Variants in CBLN2 observed in about 807,000 individuals in gnomAD.
The protein encoded by CBLN2 is cerebellin-2.
Under a neutral mutation model 15.0 loss-of-function variants are expected in CBLN2, and 7 were observed. The ratio of observed to expected loss-of-function variants is 0.47; its 90% confidence interval spans 0.27 to 0.88. The LOEUF is 0.88. Ranked by LOEUF, CBLN2 falls within the 40% of genes least tolerant of loss-of-function variation. CBLN2 has a pLI of 0.14. For missense variants in CBLN2, 242 were observed against 304.5 expected (o/e 0.79, Z 1.53); for synonymous variants, 149 against 135.2 (o/e 1.10, Z -0.71).
chr18:72,578,137 G>A (rs139819243), intron 1 of CBLN2, among the ~76,000 whole-genome samples: 1 of 152,206 alleles, frequency 6.6e-6, no homozygotes, highest in East Asian at 1.9e-4. Context: ...TATTGTTATA[G>A]GGACAAGCAC....
intron 1 of CBLN2, among the ~76,000 whole-genome samples, chr18:72,588,589 G>C (rs2069458186): frequency 6.6e-6 from 1 of 152,186 alleles, no homozygotes; most frequent in African/African-American, 2.4e-5. Flanking sequence ...AGACTAGCGG[G>C]GAAGACACAC....
intron 1 of CBLN2, chr18:72,618,820 A>G: frequency 1.4e-6 from 1 of 738,040 alleles, no homozygotes; most frequent in Non-Finnish European, 2.5e-6. Flanking sequence ...AAAGCAAGAG[A>G]TGGCGAGTGC....
chr18:72,561,747 A>G (rs1045357854), intron 1 of CBLN2, among the ~76,000 whole-genome samples: 2 of 152,202 alleles, frequency 1.3e-5, no homozygotes, highest in African/African-American at 4.8e-5. Flanking sequence ...TATGGAAACT[A>G]TAACGTATTG....
At chr18:72,551,848 C>G (rs608970) in intron 1 of CBLN2, among the ~76,000 whole-genome samples, 23,856 of 152,076 alleles carry the variant, frequency 0.16, 2,157 homozygotes, top group Admixed American at 0.29. Flanking sequence ...CTTGACTCAC[C>G]TTAGGGAATG....
At chr18:72,538,819 G>A (rs754305298) in intron 3 of CBLN2, 47 bp from the exon 4 acceptor site, 2 of 1,598,662 alleles carry the variant, frequency 1.3e-6, no homozygotes, top group Non-Finnish European at 1.7e-6. Flanking sequence ...GCCCCTCCTC[G>A]GTGTATGTTT....
At chr18:72,619,123 C>A in intron 1 of CBLN2, 3 of 743,250 alleles carry the variant, frequency 4.0e-6, no homozygotes, top group South Asian at 2.7e-5. Context: ...AGCTCTGGCC[C>A]CTATGGTGGT....
chr18:72,552,755 A>G (rs1055964686), intron 1 of CBLN2: 1 of 152,214 alleles, frequency 6.6e-6, no homozygotes, highest in African/African-American at 2.4e-5. Context: ...AAGGCTAGCG[A>G]TAGTGAGCTA....
intron 1 of CBLN2, among the ~76,000 whole-genome samples, chr18:72,567,485 C>G (rs1029378011): frequency 6.6e-6 from 1 of 152,136 alleles, no homozygotes. Context: ...TGAGTTTTCT[C>G]TCTCAGGCAT....
At chr18:72,591,356 A>T (rs1457528954) in intron 1 of CBLN2, among the ~76,000 whole-genome samples, 7 of 152,180 alleles carry the variant, frequency 4.6e-5, no homozygotes, top group African/African-American at 4.8e-5. Flanking sequence ...ATAACTTTTT[A>T]AAAAATTTAT....
intron 1 of CBLN2, among the ~76,000 whole-genome samples, chr18:72,594,923 T>G (rs781027041): frequency 2.0e-5 from 3 of 152,066 alleles, no homozygotes; most frequent in Non-Finnish European, 4.4e-5. Context: ...TTTCTTCACT[T>G]CTTAGTCTTG....
chr18:72,558,278 C>T (rs1057215563), intron 1 of CBLN2, among the ~76,000 whole-genome samples: 1 of 152,160 alleles, frequency 6.6e-6, no homozygotes, highest in Admixed American at 6.5e-5. Context: ...TCTCTGGACA[C>T]TCTGGGTTTG....
chr18:72,587,423 T>G (rs2069451098), intron 1 of CBLN2, among the ~76,000 whole-genome samples: 1 of 152,164 alleles, frequency 6.6e-6, no homozygotes, highest in Non-Finnish European at 1.5e-5. Context: ...GGACTGTTTA[T>G]TCTTTTTATG....
intron 1 of CBLN2, among the ~76,000 whole-genome samples, chr18:72,566,595 T>C (rs947162642): frequency 3.9e-5 from 6 of 152,086 alleles, no homozygotes; most frequent in African/African-American, 1.4e-4. Context: ...GTATGGAATC[T>C]AAAAAGGTCG....
At chr18:72,592,360 C>A (rs1021158519) in intron 1 of CBLN2, among the ~76,000 whole-genome samples, 6 of 151,672 alleles carry the variant, frequency 4.0e-5, no homozygotes, top group Non-Finnish European at 8.8e-5. Context: ...TGCATTTCTC[C>A]CTATTGAGTT....
At chr18:72,624,895 A>C (rs2069724617) in intron 1 of CBLN2, among the ~76,000 whole-genome samples, 1 of 152,180 alleles carries the variant, frequency 6.6e-6, no homozygotes, top group South Asian at 2.1e-4. Flanking sequence ...CAAATACTAA[A>C]AGAGGCTGGT....
chr18:72,596,038 T>TTGA (rs2069511542), intron 1 of CBLN2, among the ~76,000 whole-genome samples: 1 of 152,164 alleles, frequency 6.6e-6, no homozygotes, highest in South Asian at 2.1e-4. Flanking sequence ...AATGTGATTG[T>TTGA]TGATAAGTAA....
At chr18:72,606,061 G>C (rs1381425446) in intron 1 of CBLN2, among the ~76,000 whole-genome samples, 3 of 152,230 alleles carry the variant, frequency 2.0e-5, no homozygotes, top group South Asian at 4.1e-4. Flanking sequence ...GAGCGAGGCT[G>C]ACTGCTGCAT....
chr18:72,560,413 C>T (rs1437242557), intron 1 of CBLN2, among the ~76,000 whole-genome samples: 1 of 152,178 alleles, frequency 6.6e-6, no homozygotes, highest in African/African-American at 2.4e-5. Flanking sequence ...ATTTCCAAAG[C>T]CTTCAAAGCA....
intron 1 of CBLN2, among the ~76,000 whole-genome samples, chr18:72,632,243 T>G (rs2069782127): frequency 6.6e-6 from 1 of 152,104 alleles, no homozygotes; most frequent in African/African-American, 2.4e-5. Context: ...TTCATACAAA[T>G]TATAAAGGAG....
Sources: gnomAD v4.1 joint callset for allele counts (sites outside exome capture counted in the v4.1 genomes callset) on GRCh38, gnomAD v4.1.1 for gene constraint, MANE v1.5 for transcripts, NCBI Gene and HGNC (gene_info 2026-07-23, HGNC 2026-07-21) for gene names.